The following OR8J1 variants were observed in gnomAD, a reference collection of about 807,000 sequenced individuals.
The protein encoded by OR8J1 is olfactory receptor family 8 subfamily J member 1.
For missense variants in OR8J1, 400 were observed against 373.0 expected (o/e 1.07, Z -0.60); for synonymous variants, 157 against 144.3 (o/e 1.09, Z -0.63).
rs1348367204 is a variant in OR8J1, at chr11:56,356,939, T to C, written c.-21+2614T>C. Among the ~76,000 whole-genome samples, 11 of 152,144 alleles carry C rather than the reference T, an allele frequency of 7.2e-5. 1 individual carries two copies. The highest frequency in any genetic ancestry group is 4.4e-5 in the Non-Finnish European group (3 of 68,000). ...TGTTAGTTACCCCAGTCAAAATAAA[T>C]CCCCCATCTGTCATTCTCTCATATA... On this transcript the variant is annotated intron_variant, in intron 1 of 1. Transcript: ENST00000533152.
At position 56,354,302 on chromosome 11, in the gene OR8J1, C is replaced by A. The variant is rs1854938736; in HGVS notation, c.-44C>A. On this transcript the variant is annotated 5_prime_UTR_variant, in exon 1 of 2. Coordinates refer to ENST00000533152, the MANE Select transcript of OR8J1 (RefSeq NM_001005205.3). ...GCCAGTCATGTATAGACTCTAAGAA[C>A]CTGAAGCAGATTCTCCTCTAGAGGT... 6.6e-6 allele frequency: 1 copy of A among 152,134 alleles called. No homozygotes were observed. Among genetic ancestry groups the A allele is most frequent in the South Asian group, 2.1e-4 (1 of 4,824 alleles). 9.4% of individuals were successfully genotyped at this position (152,134 alleles called of 1,614,324 possible).
chr11:56,361,336 A>G lies in OR8J1; in HGVS notation c.*139A>G. On this transcript the variant is annotated 3_prime_UTR_variant, in exon 2 of 2. Transcript: ENST00000533152. ...TAAGAATTACAACAAGATACAATTT[A>G]GGGAGCTTTGAATTAAAAAATAAAC... 2.5e-6 allele frequency: 1 copy of G among 401,724 alleles called. No individual in the cohort carries two copies. Among genetic ancestry groups the G allele is most frequent in the Non-Finnish European group, 4.4e-6 (1 of 229,268 alleles). The allele number at this position is 401,724 out of a possible 1,614,324, so 24.9% of individuals were successfully genotyped here.
Position 56,361,465 on chromosome 11 carries a change from A to G in OR8J1, c.*268A>G, listed in dbSNP as rs1852637730. Reference sequence around the variant, plus strand: ...ACAGTTTGAAATAAAAATGGTTTCCAGCAGTTAGAAAAAAAAATTAAAAAA... The same window carrying G: ...ACAGTTTGAAATAAAAATGGTTTCCGGCAGTTAGAAAAAAAAATTAAAAAA... On this transcript the variant is annotated 3_prime_UTR_variant, in exon 2 of 2. Coordinates refer to ENST00000533152, the MANE Select transcript of OR8J1 (RefSeq NM_001005205.3). 1 of 338,476 alleles carries G rather than the reference A, an allele frequency of 3.0e-6. No homozygotes were observed. Among genetic ancestry groups the G allele is most frequent in the Non-Finnish European group, 5.3e-6 (1 of 189,474 alleles). The allele number at this position is 338,476 out of a possible 1,614,324, so 21.0% of individuals were successfully genotyped here. A position where few individuals can be genotyped will look rare whatever the true frequency, so the allele number is the denominator to read the frequency against.
Position 56,361,047 on chromosome 11 carries a change from A to T in OR8J1, c.801A>T (p.Ser267=), listed in dbSNP as rs1215827184. Residue 267 remains serine (S), a synonymous_variant, in exon 2 of 2, where the codon TCA becomes TCT. Transcript: ENST00000533152. ...ATGTGCAGCCCCGAAGTAACCATTC[A>T]CTGGATACTGATGATAAGATGGCTT... The part of the protein sequence containing the change: ...FMYVQPRSNH[S]LDTDDKMASV... The T allele has an allele frequency of 6.6e-7, 1 of 1,505,638 alleles. No homozygotes were observed. Among genetic ancestry groups the T allele is most frequent in the Non-Finnish European group, 8.8e-7 (1 of 1,136,392 alleles). The allele number at this position is 1,505,638 out of a possible 1,614,324, so 93.3% of individuals were successfully genotyped here.
chr11:56,357,770 C>A, intron 1 of OR8J1: 1 of 1,459,960 alleles, frequency 6.8e-7, no homozygotes, highest in South Asian at 1.1e-5. Context: ...TGGGTGCAGG[C>A]CTTGCCAGAA....
chr11:56,360,426 C>G lies in OR8J1; in HGVS notation c.180C>G (p.Tyr60Ter), dbSNP rs1852618455. The G allele has an allele frequency of 6.2e-7, 1 of 1,614,152 alleles. No individual in the cohort carries two copies. The highest frequency in any genetic ancestry group is 8.5e-7 in the Non-Finnish European group (1 of 1,180,032). Residue 60 changes from tyrosine (Y) to a stop codon, truncating the protein, a stop_gained, in exon 2 of 2, where the codon TAC (tyrosine) becomes TAG (stop). Coordinates refer to ENST00000533152, the MANE Select transcript of OR8J1 (RefSeq NM_001005205.3). LOFTEE classifies it low-confidence loss of function (END_TRUNC). ...SVDSRLQTPM[Y>*]FFLQHLALIN... ...ACTCTCGACTTCAAACCCCCATGTA[C>G]TTTTTCCTGCAACATCTGGCTCTCA...
chr11:56,360,208 T>C lies in OR8J1; in HGVS notation c.-20-19T>C. 6.7e-7 allele frequency: 1 copy of C among 1,497,238 alleles called. No homozygotes were observed. Among genetic ancestry groups the C allele is most frequent in the Non-Finnish European group, 9.0e-7 (1 of 1,113,782 alleles). The allele number at this position is 1,497,238 out of a possible 1,614,324, so 92.7% of individuals were successfully genotyped here. A position where few individuals can be genotyped will look rare whatever the true frequency, so the allele number is the denominator to read the frequency against. ...AAATAATTCTTTAAAGTTTTTAACC[T>C]CTCTTTTCCCCCAAACAGATGAATT... On this transcript the variant is annotated intron_variant, in intron 1 of 1. Transcript: ENST00000533152.
At chr11:56,357,385 G>T (rs781171409) in intron 1 of OR8J1, 5 of 775,712 alleles carry the variant, frequency 6.4e-6, no homozygotes, top group Non-Finnish European at 1.1e-5. Context: ...GTGAAATTTA[G>T]AAGACGACGA....
chr11:56,354,709 A>C (rs1854944837), intron 1 of OR8J1, among the ~76,000 whole-genome samples: 1 of 152,220 alleles, frequency 6.6e-6, no homozygotes, highest in Non-Finnish European at 1.5e-5. Context: ...CTGGATAGAC[A>C]TCTACCCAAA....
At chr11:56,360,109 A>G in intron 1 of OR8J1, 118 bp from the exon 2 acceptor site, 1 of 589,488 alleles carries the variant, frequency 1.7e-6, no homozygotes, top group Non-Finnish European at 2.7e-6. Context: ...GAGTTTAATA[A>G]CTGAGTTAGA....
At chr11:56,358,592 A>G (rs1287002109) in intron 1 of OR8J1, among the ~76,000 whole-genome samples, 1 of 152,170 alleles carries the variant, frequency 6.6e-6, no homozygotes, top group Non-Finnish European at 1.5e-5. Flanking sequence ...TAAAACTAAA[A>G]AGAAACTGCT....
chr11:56,357,684 G>T, intron 1 of OR8J1: 1 of 1,582,750 alleles, frequency 6.3e-7, no homozygotes, highest in Admixed American at 1.7e-5. Context: ...GATCTATGAA[G>T]GCCAAGTGGA....
At chr11:56,355,215 C>T (rs1854950984) in intron 1 of OR8J1, among the ~76,000 whole-genome samples, 1 of 151,844 alleles carries the variant, frequency 6.6e-6, no homozygotes, top group Non-Finnish European at 1.5e-5. Flanking sequence ...ATTTCAAAAA[C>T]ACACTTTTTA....
At chr11:56,357,678 T>C in intron 1 of OR8J1, 1 of 1,580,982 alleles carries the variant, frequency 6.3e-7, no homozygotes, top group Admixed American at 1.7e-5. Flanking sequence ...GGACAAGATC[T>C]ATGAAGGCCA....
intron 1 of OR8J1, among the ~76,000 whole-genome samples, chr11:56,356,955 C>T (rs1251719324): frequency 6.6e-6 from 1 of 152,068 alleles, no homozygotes; most frequent in East Asian, 1.9e-4. Context: ...ATCTGTCATT[C>T]TCTCATATAT....
At chr11:56,356,185 C>T (rs1032918981) in intron 1 of OR8J1, among the ~76,000 whole-genome samples, 4 of 151,962 alleles carry the variant, frequency 2.6e-5, no homozygotes, top group African/African-American at 9.7e-5. Context: ...AAGAAGGATA[C>T]AATAATTAAT....
At chr11:56,359,590 A>G (rs1383626025) in intron 1 of OR8J1, among the ~76,000 whole-genome samples, 3 of 152,060 alleles carry the variant, frequency 2.0e-5, no homozygotes, top group Non-Finnish European at 4.4e-5. Context: ...AACTAATACA[A>G]TTTTCACCAA....
intron 1 of OR8J1, among the ~76,000 whole-genome samples, chr11:56,358,885 A>T (rs1461047482): frequency 6.6e-6 from 1 of 152,170 alleles, no homozygotes; most frequent in Non-Finnish European, 1.5e-5. Flanking sequence ...AACAAGAAAA[A>T]GTGTGATGTT....
chr11:56,358,843 G>GTAAA (rs1259379654), intron 1 of OR8J1, among the ~76,000 whole-genome samples: 1 of 152,028 alleles, frequency 6.6e-6, no homozygotes, highest in African/African-American at 2.4e-5. Context: ...TAAACAGGTG[G>GTAAA]TAAATAAATA....
Sources: gnomAD v4.1 joint callset for allele counts (sites outside exome capture counted in the v4.1 genomes callset) on GRCh38, gnomAD v4.1.1 for gene constraint, MANE v1.5 for transcripts, NCBI Gene and HGNC (gene_info 2026-07-23, HGNC 2026-07-21) for gene names.